The following PDE4D variants were observed in gnomAD, a reference collection of about 807,000 sequenced individuals.
The protein encoded by PDE4D is phosphodiesterase 4D, also known as 3',5'-cyclic-AMP phosphodiesterase 4D.
In PDE4D, 24 loss-of-function variants were observed where a neutral mutation model predicts 87.4. The ratio of observed to expected loss-of-function variants is 0.27; its 90% CI spans 0.20 to 0.39. PDE4D has a LOEUF of 0.39. Ranked by LOEUF, PDE4D falls within the 10% of genes least tolerant of loss-of-function variation. The pLI is 1.00. For missense variants in PDE4D, 714 were observed against 1,041.0 expected, an observed-to-expected ratio of 0.69 and a Z score of 4.32; for synonymous variants, 384 against 383.2, an observed-to-expected ratio of 1.00 and a Z score of -0.02.
intron 5 of PDE4D, among the ~76,000 whole-genome samples, chr5:59,086,395 A>G (rs1767687854): frequency 2.0e-5 from 3 of 152,116 alleles, no homozygotes; most frequent in African/African-American, 7.2e-5. Flanking sequence ...AACAATTCCA[A>G]TCTTGGAATT....
intron 2 of PDE4D, among the ~76,000 whole-genome samples, chr5:60,154,533 C>G (rs1284471556): frequency 1.3e-5 from 2 of 152,192 alleles, no homozygotes; most frequent in African/African-American, 4.8e-5. Context: ...CTCAGCCCCC[C>G]AAAGTGCTGG....
chr5:59,138,788 C>T (rs2153454390), intron 5 of PDE4D, among the ~76,000 whole-genome samples: 1 of 152,220 alleles, frequency 6.6e-6, no homozygotes, highest in Non-Finnish European at 1.5e-5. Context: ...ATTACATTTT[C>T]TGGGGTTTCA....
intron 1 of PDE4D, among the ~76,000 whole-genome samples, chr5:59,872,665 T>C (rs1463146803): frequency 6.6e-6 from 1 of 152,204 alleles, no homozygotes; most frequent in Non-Finnish European, 1.5e-5. Flanking sequence ...TGCCCATTAA[T>C]ATTGAAGTAA....
intron 2 of PDE4D, among the ~76,000 whole-genome samples, chr5:60,126,201 T>TAA (rs35748948): frequency 2.7e-4 from 36 of 133,142 alleles, no homozygotes; most frequent in South Asian, 2.1e-3. Flanking sequence ...AGAGTTTTGC[T>TAA]AAAAAAAAAA....
chr5:59,639,707 T>C (rs1561382621), intron 1 of PDE4D, among the ~76,000 whole-genome samples: 1 of 152,100 alleles, frequency 6.6e-6, no homozygotes, highest in East Asian at 1.9e-4. Flanking sequence ...TGGAAATATA[T>C]AGCATTCCAG....
chr5:59,474,551 C>T (rs1443516207), intron 1 of PDE4D, among the ~76,000 whole-genome samples: 1 of 152,032 alleles, frequency 6.6e-6, no homozygotes, highest in African/African-American at 2.4e-5. Context: ...GTTCAGGCAA[C>T]CTGTGACGGA....
chr5:59,087,913 C>A (rs1768007853), intron 5 of PDE4D, among the ~76,000 whole-genome samples: 1 of 152,176 alleles, frequency 6.6e-6, no homozygotes, highest in Non-Finnish European at 1.5e-5. Context: ...TTCTTCTCTT[C>A]TCTAGTCTTG....
intron 5 of PDE4D, among the ~76,000 whole-genome samples, chr5:59,146,040 T>C (rs1053734975): frequency 3.2e-4 from 48 of 152,148 alleles, no homozygotes; most frequent in African/African-American, 1.1e-3. Flanking sequence ...GGCAGGAGAA[T>C]CGCTTGAACC....
intron 1 of PDE4D, among the ~76,000 whole-genome samples, chr5:59,331,668 G>C (rs1433344739): frequency 1.3e-5 from 2 of 152,112 alleles, no homozygotes; most frequent in African/African-American, 4.8e-5. Context: ...CTGTTCCACA[G>C]CCACAGAGCC....
At chr5:59,504,184 T>C (rs755514396) in intron 1 of PDE4D, among the ~76,000 whole-genome samples, 1 of 152,178 alleles carries the variant, frequency 6.6e-6, no homozygotes, top group Non-Finnish European at 1.5e-5. Context: ...TACAGAGTAA[T>C]ATAGGGCCCA....
intron 1 of PDE4D, among the ~76,000 whole-genome samples, chr5:59,347,577 T>C (rs866538723): frequency 6.6e-6 from 1 of 152,214 alleles, no homozygotes; most frequent in Non-Finnish European, 1.5e-5. Context: ...GGACTATTAC[T>C]ACTGCTACCG....
intron 1 of PDE4D, among the ~76,000 whole-genome samples, chr5:59,500,142 T>G (rs1488032091): frequency 6.6e-6 from 1 of 152,152 alleles, no homozygotes; most frequent in Admixed American, 6.5e-5. Context: ...AAGGGAACGC[T>G]TGCACACTGT....
chr5:59,247,781 A>T (rs1759141773), intron 1 of PDE4D, among the ~76,000 whole-genome samples: 1 of 151,990 alleles, frequency 6.6e-6, no homozygotes, highest in Admixed American at 6.6e-5. Context: ...AGGCAGAAAC[A>T]GATTCAGGAG....
intron 1 of PDE4D, among the ~76,000 whole-genome samples, chr5:59,601,746 A>G (rs1186213883): frequency 6.6e-6 from 1 of 152,050 alleles, no homozygotes; most frequent in African/African-American, 2.4e-5. Flanking sequence ...TGAGATTTAT[A>G]AATCTGAACC....
intron 3 of PDE4D, among the ~76,000 whole-genome samples, chr5:59,963,450 G>A (rs1422194910): frequency 6.6e-6 from 1 of 152,034 alleles, no homozygotes; most frequent in African/African-American, 2.4e-5. Context: ...ACACTCCCTG[G>A]TCTGCTCTCC....
At chr5:59,705,788 G>A (rs957859519) in intron 1 of PDE4D, among the ~76,000 whole-genome samples, 4 of 152,130 alleles carry the variant, frequency 2.6e-5, no homozygotes, top group African/African-American at 7.2e-5. Flanking sequence ...AGGGAATCAT[G>A]CTTGACATAG....
intron 1 of PDE4D, among the ~76,000 whole-genome samples, chr5:60,241,272 T>TCTC (rs1491251272): frequency 1.6e-4 from 3 of 18,656 alleles, no homozygotes; most frequent in African/African-American, 5.3e-4. Flanking sequence ...TCTCTCTCTC[T>TCTC]TTTTTTTTTT....
rs1419134819 is a variant in PDE4D, at chr5:58,970,830, C to T, written c.*3834G>A. 1.4e-5 allele frequency: 2 copies of T among 147,184 alleles called. No individual in the cohort carries two copies. Among genetic ancestry groups the T allele is most frequent in the African/African-American group, 5.1e-5 (2 of 39,602 alleles). The allele number at this position is 147,184 out of a possible 1,614,324, so 9.1% of individuals were successfully genotyped here. ...CCATTTTCCTATGAGCTCTAGAAGC[C>T]AAAAGGACTTAAAAAAAAGAAAAAG... On this transcript the variant is annotated 3_prime_UTR_variant, in exon 15 of 15. Transcript: ENST00000340635.
In PDE4D at chr5:59,587,321, GTCTT is replaced by G. The variant is rs962551111; in HGVS notation, c.455+305843_455+305846del. 12 of 486,922 alleles carry G rather than the reference GTCTT, an allele frequency of 2.5e-5. No individual in the cohort carries two copies. In the South Asian group the frequency reaches 2.6e-4, roughly 11 times the overall value. 30.2% of individuals were successfully genotyped at this position (486,922 alleles called of 1,614,324 possible). A position where few individuals can be genotyped will look rare whatever the true frequency, so the allele number is the denominator to read the frequency against. On this transcript the variant is annotated intron_variant, in intron 1 of 14. Transcript: ENST00000340635. ...GTTGTCTAAGAATTCTTCCCCCGAT[GTCTT>G]TCTTTTCTTTTTTTTCCTCTCTCAA...
Sources: gnomAD v4.1 joint callset for allele counts (sites outside exome capture counted in the v4.1 genomes callset) on GRCh38, gnomAD v4.1.1 for gene constraint, MANE v1.5 for transcripts, NCBI Gene and HGNC (gene_info 2026-07-23, HGNC 2026-07-21) for gene names.